The following MAD2L1 variants were observed in gnomAD, a reference collection of about 807,000 sequenced individuals.
MAD2L1 encodes mitotic spindle assembly checkpoint protein MAD2A.
MAD2L1 carries 10 observed loss-of-function variants against 25.9 expected under a neutral mutation model. The ratio of observed to expected loss-of-function variants is 0.39; its 90% CI spans 0.24 to 0.66. The LOEUF (loss-of-function observed/expected upper bound fraction) is 0.66, where lower values mean the gene tolerates loss of function less well. MAD2L1 is among the 30% of genes least tolerant of loss of function. The pLI, the probability that MAD2L1 is intolerant of heterozygous loss-of-function variation, is 0.49. For synonymous variants in MAD2L1, 81 were observed against 91.8 expected, an observed-to-expected ratio of 0.88 and a Z score of 0.67; for missense variants, 180 against 246.4, an observed-to-expected ratio of 0.73 and a Z score of 1.80.
chr4:120,059,799 G>A lies in MAD2L1; in HGVS notation c.*319C>T, dbSNP rs1172940233. The A allele has an allele frequency of 5.5e-6, 1 of 181,946 alleles. No individual in the cohort carries two copies. Among genetic ancestry groups the A allele is most frequent in the Non-Finnish European group, 1.1e-5 (1 of 87,664 alleles). 11.3% of individuals were successfully genotyped at this position (181,946 alleles called of 1,614,324 possible). On this transcript the variant is annotated 3_prime_UTR_variant, in exon 5 of 5. Coordinates refer to ENST00000296509, the MANE Select transcript of MAD2L1 (RefSeq NM_002358.4). ...CTACTTGACCAAAACATCTGATTTA[G>A]GAAAGCATCTAGCTTTATAGCACAA... is the stretch of plus-strand genomic sequence containing the variant.
At position 120,055,625 on chromosome 4, in the gene MAD2L1, T is replaced by C. The variant is rs1018930057; in HGVS notation, c.*4493A>G. The C allele has an allele frequency of 6.6e-6, 1 of 152,096 alleles. No individual in the cohort carries two copies. Among genetic ancestry groups the C allele is most frequent in the Non-Finnish European group, 1.5e-5 (1 of 68,010 alleles). The allele number at this position is 152,096 out of a possible 1,614,324, so 9.4% of individuals were successfully genotyped here. On this transcript the variant is annotated 3_prime_UTR_variant, in exon 5 of 5. Transcript: ENST00000296509. ...GTAGACAGTTTCCATTTCACAGCTA[T>C]TCCAATATAAACTTTTATCAGTCAC...
Position 120,060,975 on chromosome 4 carries a change from G to A in MAD2L1, c.344C>T (p.Ala115Val), listed in dbSNP as rs1424123342. The A allele has an allele frequency of 2.5e-6, 4 of 1,587,404 alleles. No homozygotes were observed. The highest frequency in any genetic ancestry group is 3.5e-6 in the Non-Finnish European group (4 of 1,157,954). ...ECDKTAKDDS[A>V]PREKSQKAIQ... ...AGCTTTCTGAGACTTTTCTCTGGGT[G>A]CACTGTCAAAAAAAAATCAAATCAA... Residue 115 changes from alanine to valine, a missense_variant and splice_region_variant, in exon 4 of 5, where the codon GCA (alanine) becomes GTA (valine). Transcript: ENST00000296509.
At chr4:120,063,958 C>T (rs1213593776) in intron 2 of MAD2L1, among the ~76,000 whole-genome samples, 1 of 152,188 alleles carries the variant, frequency 6.6e-6, no homozygotes, top group East Asian at 1.9e-4. Flanking sequence ...CGCCACTGCA[C>T]TCCAGCCTTG....
chr4:120,066,659 T>C lies in MAD2L1; in HGVS notation c.73+3A>G. The C allele has an allele frequency of 1.9e-6, 3 of 1,602,856 alleles. No individual in the cohort carries two copies. Among genetic ancestry groups the C allele is most frequent in the East Asian group, 2.2e-5 (1 of 44,488 alleles). ...CGATATATTGGCCTGCGCGAGAACTTACAGAAGAACTCGGCCACGATTTCG... is the reference window on the plus strand; with the variant it reads ...CGATATATTGGCCTGCGCGAGAACTCACAGAAGAACTCGGCCACGATTTCG... On this transcript the variant is annotated splice_donor_region_variant and intron_variant, in intron 1 of 4. Transcript: ENST00000296509.
At chr4:120,066,264 G>T (rs960947294) in intron 1 of MAD2L1, among the ~76,000 whole-genome samples, 1 of 152,062 alleles carries the variant, frequency 6.6e-6, no homozygotes, top group Non-Finnish European at 1.5e-5. Context: ...CGAAAACAAG[G>T]GTTCCCAAAG....
At chr4:120,065,602 A>G in intron 2 of MAD2L1, 70 bp downstream of exon 2, 1 of 1,404,418 alleles carries the variant, frequency 7.1e-7, no homozygotes, top group Non-Finnish European at 1.0e-6. Context: ...CTATGTGCAG[A>G]GCGGAAAAAT....
rs946922423 is a variant in MAD2L1 at position 120,057,299 on chromosome 4, G to A, written c.*2819C>T. 6.6e-6 allele frequency: 1 copy of A among 152,172 alleles called. No individual in the cohort carries two copies. The highest frequency in any genetic ancestry group is 1.5e-5 in the Non-Finnish European group (1 of 68,050). The allele number at this position is 152,172 out of a possible 1,614,324, so 9.4% of individuals were successfully genotyped here. ...TGCCATTCCCACCACCTCCATGGGA[G>A]GAGTATACTTCCTGGTCCCATTAAA... On this transcript the variant is annotated 3_prime_UTR_variant, in exon 5 of 5. Transcript: ENST00000296509.
Position 120,066,716 on chromosome 4 carries a change from G to T in MAD2L1, c.19C>A (p.Arg7=), listed in dbSNP as rs375700698. 1 of 1,601,904 alleles carries T rather than the reference G, an allele frequency of 6.2e-7. No homozygotes were observed. The highest frequency in any genetic ancestry group is 1.3e-5 in the African/African-American group (1 of 74,758). Residue 7 remains arginine, a synonymous_variant, in exon 1 of 5, where the codon CGG becomes AGG. Coordinates refer to ENST00000296509, the MANE Select transcript of MAD2L1 (RefSeq NM_002358.4). Reference sequence around the variant, plus strand: ...CCGCGCAGGGTGATTCCCTGCTCCCGGGAGAGCTGCAGCGCCATGGCCAGG... The same window carrying T: ...CCGCGCAGGGTGATTCCCTGCTCCCTGGAGAGCTGCAGCGCCATGGCCAGG... MALQLS[R]EQGITLRGSA... is the part of the protein sequence containing the mutation.
intron 4 of MAD2L1, among the ~76,000 whole-genome samples, chr4:120,060,559 TTGTTA>T (rs1726196241): frequency 6.6e-6 from 1 of 152,198 alleles, no homozygotes; most frequent in African/African-American, 2.4e-5. Context: ...TGCCAGCATA[TTGTTA>T]TAATTGTTCC....
chr4:120,066,055 A>G (rs1234781499), intron 1 of MAD2L1, among the ~76,000 whole-genome samples: 1 of 151,800 alleles, frequency 6.6e-6, no homozygotes, highest in Non-Finnish European at 1.5e-5. Flanking sequence ...GCCAAAGTGT[A>G]TCAACTTATT....
chr4:120,061,891 C>G, intron 3 of MAD2L1, 84 bp downstream of exon 3: 1 of 1,059,574 alleles, frequency 9.4e-7, no homozygotes, highest in South Asian at 1.9e-5. Flanking sequence ...AAAACTAGTT[C>G]AATACAATTA....
intron 2 of MAD2L1, among the ~76,000 whole-genome samples, chr4:120,062,678 A>G (rs1726243772): frequency 6.6e-6 from 1 of 152,238 alleles, no homozygotes. Flanking sequence ...CAGGAGCCAG[A>G]CCATGCAAAG....
At chr4:120,063,889 A>G (rs549493017) in intron 2 of MAD2L1, among the ~76,000 whole-genome samples, 25 of 152,194 alleles carry the variant, frequency 1.6e-4, no homozygotes, top group African/African-American at 5.5e-4. Context: ...AGGCGCTTAT[A>G]ATCTCAGCTA....
At chr4:120,062,815 G>C (rs1469403608) in intron 2 of MAD2L1, among the ~76,000 whole-genome samples, 2 of 152,190 alleles carry the variant, frequency 1.3e-5, no homozygotes. Context: ...ACGGAAAGTG[G>C]ACTGGAGATG....
chr4:120,060,015 G>T lies in MAD2L1; in HGVS notation c.*103C>A, dbSNP rs1301854138. 6 of 1,073,678 alleles carry T rather than the reference G, an allele frequency of 5.6e-6. No individual in the cohort carries two copies. Among genetic ancestry groups the T allele is most frequent in the Middle Eastern group, 3.2e-4 (1 of 3,156 alleles). The allele number at this position is 1,073,678 out of a possible 1,614,324, so 66.5% of individuals were successfully genotyped here. A position where few individuals can be genotyped will look rare whatever the true frequency, so the allele number is the denominator to read the frequency against. On this transcript the variant is annotated 3_prime_UTR_variant, in exon 5 of 5. Transcript: ENST00000296509. ...TAAGTATCATTTTGGTTTTCTCCAT[G>T]TAAAAATTAACCAATGAAATAAAAC...
rs1726300483 is a variant in MAD2L1 at position 120,065,550 on chromosome 4, C to T, written c.220+122G>A. The T allele has an allele frequency of 7.7e-6, 6 of 778,758 alleles. No individual in the cohort carries two copies. In the South Asian group the frequency reaches 1.3e-4, roughly 17 times the overall value. The allele number at this position is 778,758 out of a possible 1,614,324, so 48.2% of individuals were successfully genotyped here. On this transcript the variant is annotated intron_variant, in intron 2 of 4. Coordinates refer to ENST00000296509, the MANE Select transcript of MAD2L1 (RefSeq NM_002358.4). ...TTTCTTCCATTTTATATATTATTTTCTTCCTCTCAATTGAAAATATATTTG... is the reference window on the plus strand; with the variant it reads ...TTTCTTCCATTTTATATATTATTTTTTTCCTCTCAATTGAAAATATATTTG...
At position 120,066,088 on chromosome 4, in the gene MAD2L1, T is replaced by C. The variant is rs1726310706; in HGVS notation, c.74-270A>G. On this transcript the variant is annotated intron_variant, in intron 1 of 4. Coordinates refer to ENST00000296509, the MANE Select transcript of MAD2L1 (RefSeq NM_002358.4). ...ATTATTGCCAAATTTCACCTCATTG[T>C]AATCCAAGTCCAAATTCAGATTATG... 2.6e-5 allele frequency among the ~76,000 whole-genome samples: 4 copies of C among 152,008 alleles called. No homozygotes were observed. The South Asian group carries it at 8.3e-4, about 31-fold the overall frequency.
chr4:120,060,385 A>C, intron 4 of MAD2L1, 95 bp from the exon 5 acceptor site: 2 of 989,702 alleles, frequency 2.0e-6, no homozygotes, highest in South Asian at 2.3e-5. Context: ...CACTGCTGGA[A>C]AAGGTCATTT....
chr4:120,066,107 G>A (rs1402138441), intron 1 of MAD2L1, among the ~76,000 whole-genome samples: 2 of 151,866 alleles, frequency 1.3e-5, no homozygotes, highest in African/African-American at 2.4e-5. Flanking sequence ...TCCAAATTCA[G>A]ATTATGAGGC....
Sources: allele counts gnomAD v4.1 joint callset (sites outside exome capture counted in the v4.1 genomes callset), GRCh38; gene constraint gnomAD v4.1.1; transcripts MANE v1.5; gene names NCBI Gene and HGNC (gene_info 2026-07-23, HGNC 2026-07-21).